ANKRD12: variants seen among roughly 807,000 people sequenced by gnomAD.
The protein encoded by ANKRD12 is ankyrin repeat domain 12.
ANKRD12 carries 85 observed loss-of-function variants against 183.4 expected under a neutral mutation model. The ratio of observed to expected loss-of-function variants is 0.46; its 90% CI spans 0.39 to 0.56. ANKRD12 has a LOEUF of 0.56. ANKRD12 is among the 20% of genes least tolerant of loss of function. The probability of loss-of-function intolerance (pLI) is 0.00; values close to 1 mark genes in which losing one functional copy is unlikely to be tolerated. For synonymous variants in ANKRD12, 914 were observed against 800.2 expected, an observed-to-expected ratio of 1.14 and a Z score of -2.40; for missense variants, 2,405 against 2,357.1, an observed-to-expected ratio of 1.02 and a Z score of -0.42.
At chr18:9,137,215 G>A (rs1433684673) in intron 1 of ANKRD12, 1 of 149,686 alleles carries the variant, frequency 6.7e-6, no homozygotes, top group East Asian at 2.0e-4. Context: ...CGGGTCCGCC[G>A]GGGCCCCGCC....
Position 9,257,297 on chromosome 18 carries a change from C to T in ANKRD12, c.4030C>T (p.Pro1344Ser), listed in dbSNP as rs752737603. 6.2e-7 allele frequency: 1 copy of T among 1,614,096 alleles called. No homozygotes were observed. Among genetic ancestry groups the T allele is most frequent in the Non-Finnish European group, 8.5e-7 (1 of 1,179,978 alleles). Residue 1344 changes from proline (P) to serine (S), a missense_variant, in exon 9 of 13, where the codon CCT becomes TCT. Coordinates refer to ENST00000262126, the MANE Select transcript of ANKRD12 (RefSeq NM_015208.5). ...SLLTVPGDTS[P>S]SPKPEVFSNV... ...ATTAACTGTGCCAGGAGATACTAGT[C>T]CTTCTCCCAAACCTGAGGTATTCTC...
chr18:9,279,657 G>T lies in ANKRD12; in HGVS notation c.6003+13G>T. ...TGACAAATTAAAGGTATGTATGTTT[G>T]GAAGTCAGTTTAAATGAATGCTTCC... On this transcript the variant is annotated intron_variant, in intron 12 of 12. Coordinates refer to ENST00000262126, the MANE Select transcript of ANKRD12 (RefSeq NM_015208.5). 6.6e-7 allele frequency: 1 copy of T among 1,513,680 alleles called. No homozygotes were observed. The highest frequency in any genetic ancestry group is 1.2e-5 in the South Asian group (1 of 82,744). 93.8% of individuals were successfully genotyped at this position (1,513,680 alleles called of 1,614,324 possible). A position where few individuals can be genotyped will look rare whatever the true frequency, so the allele number is the denominator to read the frequency against.
intron 8 of ANKRD12, among the ~76,000 whole-genome samples, chr18:9,250,779 T>G (rs2038246853): frequency 6.6e-6 from 1 of 152,140 alleles, no homozygotes; most frequent in Non-Finnish European, 1.5e-5. Flanking sequence ...AGTTGAGGAA[T>G]TGAGAGAGTT....
intron 10 of ANKRD12, among the ~76,000 whole-genome samples, chr18:9,273,548 T>TA (rs2039701161): frequency 1.3e-5 from 2 of 152,234 alleles, no homozygotes; most frequent in African/African-American, 2.4e-5. Context: ...TGTGAAATGA[T>TA]ACGGCTACTA....
intron 4 of ANKRD12, 120 bp downstream of exon 4, chr18:9,204,664 T>C: frequency 1.4e-6 from 1 of 734,402 alleles, no homozygotes; most frequent in Non-Finnish European, 2.1e-6. Flanking sequence ...GTTAAATAAA[T>C]GAACTACGTG....
At chr18:9,245,539 A>T (rs1269514738) in intron 8 of ANKRD12, among the ~76,000 whole-genome samples, 2 of 152,216 alleles carry the variant, frequency 1.3e-5, no homozygotes, top group Non-Finnish European at 2.9e-5. Context: ...TTTATAAACT[A>T]TATTAATAGT....
At chr18:9,222,785 GTAATA>G (rs2036494225) in intron 8 of ANKRD12, among the ~76,000 whole-genome samples, 1 of 152,054 alleles carries the variant, frequency 6.6e-6, no homozygotes, top group Non-Finnish European at 1.5e-5. Flanking sequence ...TTATTTTCAT[GTAATA>G]TAGTTAAATT....
intron 8 of ANKRD12, among the ~76,000 whole-genome samples, chr18:9,231,517 C>CT (rs890473911): frequency 2.2e-4 from 34 of 151,700 alleles, no homozygotes; most frequent in African/African-American, 8.0e-4. Flanking sequence ...TTTTTTTAAA[C>CT]TTTTTTTGAC....
chr18:9,278,405 A>G (rs2039954608), intron 11 of ANKRD12, among the ~76,000 whole-genome samples: 1 of 152,176 alleles, frequency 6.6e-6, no homozygotes, highest in Non-Finnish European at 1.5e-5. Context: ...GTAAAGAAAA[A>G]TAAATAAATA....
At chr18:9,153,539 C>G (rs751039832) in intron 1 of ANKRD12, among the ~76,000 whole-genome samples, 26 of 152,128 alleles carry the variant, frequency 1.7e-4, no homozygotes, top group Non-Finnish European at 2.2e-4. Flanking sequence ...TTGTCAGGAG[C>G]CTACTGTGTG....
intron 1 of ANKRD12, among the ~76,000 whole-genome samples, chr18:9,167,128 T>TA (rs1474433600): frequency 6.6e-6 from 1 of 152,194 alleles, no homozygotes; most frequent in African/African-American, 2.4e-5. Flanking sequence ...AGCCTTGTAG[T>TA]ATAGTTTGAA....
intron 1 of ANKRD12, among the ~76,000 whole-genome samples, chr18:9,181,262 G>A (rs915949725): frequency 1.3e-5 from 2 of 152,026 alleles, no homozygotes; most frequent in Non-Finnish European, 2.9e-5. Flanking sequence ...TTACAAATTA[G>A]CTCAGTTTAT....
chr18:9,283,972 A>G lies in ANKRD12; in HGVS notation c.*2846A>G, dbSNP rs542139382. The G allele has an allele frequency of 6.6e-6, 1 of 152,340 alleles. No individual in the cohort carries two copies. Among genetic ancestry groups the G allele is most frequent in the African/African-American group, 2.4e-5 (1 of 41,578 alleles). The allele number at this position is 152,340 out of a possible 1,614,324, so 9.4% of individuals were successfully genotyped here. On this transcript the variant is annotated 3_prime_UTR_variant, in exon 13 of 13. Coordinates refer to ENST00000262126, the MANE Select transcript of ANKRD12 (RefSeq NM_015208.5). ...ACTTTAGGTTCCAGACCATCTCAGTAAAGCAAATACCACAACAAAGCGAGT... is the reference window on the plus strand; with the variant it reads ...ACTTTAGGTTCCAGACCATCTCAGTGAAGCAAATACCACAACAAAGCGAGT...
At chr18:9,139,588 A>G (rs997995963) in intron 1 of ANKRD12, among the ~76,000 whole-genome samples, 2 of 152,214 alleles carry the variant, frequency 1.3e-5, no homozygotes, top group Non-Finnish European at 2.9e-5. Flanking sequence ...CATAGTTCAT[A>G]AGAGGTTTCT....
At position 9,244,528 on chromosome 18, in the gene ANKRD12, C is replaced by T. The variant is rs1307152597; in HGVS notation, c.944-9683C>T. 3.6e-4 allele frequency among the ~76,000 whole-genome samples: 55 copies of T among 152,182 alleles called. 1 individual carries two copies. Among genetic ancestry groups the T allele is most frequent in the Non-Finnish European group, 8.8e-5 (6 of 68,012 alleles). ...TAAAAAAAATCCAGAATGACAGCAA[C>T]AAGCAATTGACATACTTTAGAACAA... On this transcript the variant is annotated intron_variant, in intron 8 of 12. Transcript: ENST00000262126.
rs2038590457 is a variant in ANKRD12 at position 9,255,963 on chromosome 18, A to G, written c.2696A>G (p.Asp899Gly). ...ACTGCTGCTATTAAAAAAACTGACG[A>G]CAGAGAGAAAAGTAGAGAAAAGATG... ...KNTAAIKKTD[D>G]REKSREKMDR... Residue 899 changes from aspartate to glycine, a missense_variant, in exon 9 of 13, where the codon GAC becomes GGC. Around this residue, in one of 7 missense-constraint regions of ANKRD12, gnomAD observed 1,983 missense variants for 1,725.9 expected, o/e 1.15. Transcript: ENST00000262126. 6.3e-7 allele frequency: 1 copy of G among 1,578,064 alleles called. No homozygotes were observed. The highest frequency in any genetic ancestry group is 8.5e-7 in the Non-Finnish European group (1 of 1,170,338).
Position 9,258,612 on chromosome 18 carries a change from A to G in ANKRD12, c.5345A>G (p.His1782Arg). Residue 1782 changes from histidine to arginine, a missense_variant, in exon 9 of 13, where the codon CAC (histidine) becomes CGC (arginine). Around this residue, in one of 7 missense-constraint regions of ANKRD12, gnomAD observed 1,983 missense variants for 1,725.9 expected, o/e 1.15. Transcript: ENST00000262126. ...RLTEDDDPQI[H>R]HPRKRKVSRV... ...ACTGAAGATGACGATCCTCAAATTC[A>G]CCATCCACGGAAAAGGAAAGTGTCA... 1 of 1,613,910 alleles carries G rather than the reference A, an allele frequency of 6.2e-7. No homozygotes were observed. The highest frequency in any genetic ancestry group is 8.5e-7 in the Non-Finnish European group (1 of 1,179,910).
chr18:9,180,722 TTTA>T (rs1418196132), intron 1 of ANKRD12, among the ~76,000 whole-genome samples: 1 of 152,200 alleles, frequency 6.6e-6, no homozygotes, highest in Non-Finnish European at 1.5e-5. Flanking sequence ...AATTGTGATT[TTTA>T]TTGTTACTGC....
intron 1 of ANKRD12, among the ~76,000 whole-genome samples, chr18:9,180,951 T>C (rs2033657336): frequency 6.6e-6 from 1 of 152,208 alleles, no homozygotes; most frequent in Admixed American, 6.5e-5. Context: ...AGCTCAGTTT[T>C]GCTTTTGAGC....
Sources: gnomAD v4.1 joint callset for allele counts (sites outside exome capture counted in the v4.1 genomes callset) on GRCh38, gnomAD v4.1.1 for gene constraint, gnomAD v4.1.1 regional missense constraint, MANE v1.5 for transcripts, NCBI Gene and HGNC (gene_info 2026-07-23, HGNC 2026-07-21) for gene names.